RARRES1: variants seen among roughly 807,000 people sequenced by gnomAD.
RARRES1 encodes retinoic acid receptor responder 1.
In RARRES1, 34 loss-of-function variants were observed where a neutral mutation model predicts 30.6. That is an observed-to-expected ratio of 1.11 (90% CI 0.84 to 1.48). The LOEUF (loss-of-function observed/expected upper bound fraction) is 1.48, where lower values mean the gene tolerates loss of function less well. Among genes scored for constraint, RARRES1 ranks in the 40% most tolerant of loss-of-function variants. The pLI is 0.00. For synonymous variants in RARRES1, 153 were observed against 155.5 expected (o/e 0.98, Z 0.12); for missense variants, 373 against 386.5 (o/e 0.97, Z 0.29).
Position 158,708,299 on chromosome 3 carries a change from G to C in RARRES1, c.535+2439C>G, listed in dbSNP as rs1301645589. ...ATCTTATGGTGCTGCTGTGAGTTCAGATTTGTGAGATCAAAACCCATCACC... is the reference window on the plus strand; with the variant it reads ...ATCTTATGGTGCTGCTGTGAGTTCACATTTGTGAGATCAAAACCCATCACC... On this transcript the variant is annotated intron_variant, in intron 3 of 5. Coordinates refer to ENST00000237696, the MANE Select transcript of RARRES1 (RefSeq NM_206963.2). Among the ~76,000 whole-genome samples the C allele has an allele frequency of 2.0e-5, 3 of 152,186 alleles. No homozygotes were observed. The East Asian group carries it at 5.8e-4, about 29-fold the overall frequency.
intron 3 of RARRES1, 81 bp downstream of exon 3, chr3:158,710,657 A>C: frequency 7.3e-7 from 1 of 1,374,708 alleles, no homozygotes; most frequent in Non-Finnish European, 9.9e-7. Flanking sequence ...TTTAGGGATA[A>C]AAACTTAAAT....
At position 158,732,359 on chromosome 3, in the gene RARRES1, G is replaced by A; in HGVS notation, c.57C>T (p.Arg19=). The A allele has an allele frequency of 6.8e-7, 1 of 1,465,436 alleles. No homozygotes were observed. The highest frequency in any genetic ancestry group is 1.3e-5 in the South Asian group (1 of 76,674). 90.8% of individuals were successfully genotyped at this position (1,465,436 alleles called of 1,614,324 possible). A position where few individuals can be genotyped will look rare whatever the true frequency, so the allele number is the denominator to read the frequency against. The part of the protein sequence containing the change: ...PAPWSGPRGP[R]PTAPLLALLL... ...GCAGCGCGAGCAGCGGGGCGGTGGG[G>A]CGCGGGCCCCTGGGCCCGGACCAGG... Residue 19 remains arginine, a synonymous_variant, in exon 1 of 6, where the codon CGC becomes CGT. Coordinates refer to ENST00000237696, the MANE Select transcript of RARRES1 (RefSeq NM_206963.2).
intron 4 of RARRES1, among the ~76,000 whole-genome samples, chr3:158,699,454 G>A (rs1342621898): frequency 2.2e-5 from 3 of 138,592 alleles, no homozygotes; most frequent in Admixed American, 1.4e-4. Flanking sequence ...CACCAAAAAA[G>A]TTTAGACTCC....
chr3:158,732,024 G>C, intron 1 of RARRES1, 116 bp downstream of exon 1: 1 of 1,073,980 alleles, frequency 9.3e-7, no homozygotes, highest in Non-Finnish European at 1.2e-6. Context: ...CGTGCGCACT[G>C]CACCTTCCCT....
chr3:158,727,303 T>C (rs1229079138), intron 1 of RARRES1, among the ~76,000 whole-genome samples: 2 of 152,222 alleles, frequency 1.3e-5, no homozygotes, highest in African/African-American at 4.8e-5. Flanking sequence ...AATTAAGATA[T>C]GGGCATAGCT....
chr3:158,708,495 A>G (rs1726999383), intron 3 of RARRES1, among the ~76,000 whole-genome samples: 2 of 152,210 alleles, frequency 1.3e-5, no homozygotes, highest in South Asian at 4.1e-4. Context: ...ATTGCTAGGA[A>G]GTTTGTAAAT....
At chr3:158,726,314 T>C (rs115699307) in intron 1 of RARRES1, among the ~76,000 whole-genome samples, 1,706 of 152,364 alleles carry the variant, frequency 0.011, 48 homozygotes, top group African/African-American at 0.039. Context: ...ATGTGCTTTA[T>C]AGATTGAGAA....
intron 1 of RARRES1, among the ~76,000 whole-genome samples, chr3:158,722,162 A>ATT (rs1727539070): frequency 6.6e-6 from 1 of 151,644 alleles, no homozygotes; most frequent in Non-Finnish European, 1.5e-5. Flanking sequence ...TTTTTAAAGA[A>ATT]AATTCCCTCC....
intron 1 of RARRES1, among the ~76,000 whole-genome samples, chr3:158,731,661 C>T (rs1420661082): frequency 6.6e-6 from 1 of 152,226 alleles, no homozygotes; most frequent in East Asian, 1.9e-4. Context: ...TAACAAGAGA[C>T]AGTCGTCCGC....
At chr3:158,731,624 C>T (rs1021016907) in intron 1 of RARRES1, among the ~76,000 whole-genome samples, 3 of 152,210 alleles carry the variant, frequency 2.0e-5, no homozygotes, top group Non-Finnish European at 4.4e-5. Context: ...CACATTACCC[C>T]GAAGCCCTAG....
chr3:158,717,422 G>T (rs1192728941), intron 1 of RARRES1, among the ~76,000 whole-genome samples: 1 of 152,238 alleles, frequency 6.6e-6, no homozygotes, highest in East Asian at 1.9e-4. Flanking sequence ...AGGGATCAGG[G>T]AAGCGACATT....
In RARRES1 at chr3:158,732,234, TGCTGCAGGAGCCTGCGCGGGACCCCA is replaced by T; in HGVS notation, c.156_181del (p.Val54GlyfsTer32). 7.2e-7 allele frequency: 1 copy of T among 1,398,148 alleles called. No individual in the cohort carries two copies. Among genetic ancestry groups the T allele is most frequent in the Non-Finnish European group, 9.2e-7 (1 of 1,083,752 alleles). The allele number at this position is 1,398,148 out of a possible 1,614,324, so 86.6% of individuals were successfully genotyped here. On this transcript the variant is annotated frameshift_variant, in exon 1 of 6. Transcript: ENST00000237696. LOFTEE classifies it high-confidence loss of function. ...GAAGTGAAGCGCCGCGCGCGCCGCC[TGCTGCAGGAGCCTGCGCGGGACCCCA>T]GCATCCTGAGGCTGCCCAGGGTCGT...
At chr3:158,705,957 A>G (rs749871112) in intron 3 of RARRES1, among the ~76,000 whole-genome samples, 16 of 152,202 alleles carry the variant, frequency 1.1e-4, no homozygotes, top group Non-Finnish European at 1.5e-4. Context: ...TAGGAGCTCA[A>G]ATTTTATGAG....
chr3:158,697,964 T>C lies in RARRES1; in HGVS notation c.679A>G (p.Asn227Asp). The C allele has an allele frequency of 6.6e-7, 1 of 1,518,950 alleles. No individual in the cohort carries two copies. Among genetic ancestry groups the C allele is most frequent in the Non-Finnish European group, 9.1e-7 (1 of 1,097,960 alleles). 94.1% of individuals were successfully genotyped at this position (1,518,950 alleles called of 1,614,324 possible). A position where few individuals can be genotyped will look rare whatever the true frequency, so the allele number is the denominator to read the frequency against. ...TAATCAAAATCAATTGTATCATCATTAGTTTTCTAGAGGGAGAAAAAAGAG... is the reference window on the plus strand; with the variant it reads ...TAATCAAAATCAATTGTATCATCATCAGTTTTCTAGAGGGAGAAAAAAGAG... ...QLTSVRQWKT[N>D]DDTIDFDYTV... The change falls in exon 5 of 6, where the codon AAT (asparagine) becomes GAT (aspartate). Residue 227 changes from asparagine to aspartate, a missense_variant. Physicochemically the swap from Asn to Asp is conservative, Grantham distance 23. Coordinates refer to ENST00000237696, the MANE Select transcript of RARRES1 (RefSeq NM_206963.2).
chr3:158,732,200 G>C lies in RARRES1; in HGVS notation c.216C>G (p.Phe72Leu), dbSNP rs1248848695. ...GTAGCGCGCTGGGCGAGCCGGACCG[G>C]AAGTTGAAGAAGTGAAGCGCCGCGC... Reference protein sequence around the residue: ...AARAALHFFNFRSGSPSALRV... With the variant: ...AARAALHFFNLRSGSPSALRV... Residue 72 changes from phenylalanine (F) to leucine (L), a missense_variant, in exon 1 of 6, where the codon TTC (phenylalanine) becomes TTG (leucine). Coordinates refer to ENST00000237696, the MANE Select transcript of RARRES1 (RefSeq NM_206963.2). The C allele has an allele frequency of 2.8e-6, 4 of 1,421,186 alleles. No homozygotes were observed. The African/African-American group carries it at 4.5e-5, about 16-fold the overall frequency. 88.0% of individuals were successfully genotyped at this position (1,421,186 alleles called of 1,614,324 possible).
At chr3:158,732,079 A>T in intron 1 of RARRES1, 61 bp downstream of exon 1, 1 of 1,270,662 alleles carries the variant, frequency 7.9e-7, no homozygotes, top group Non-Finnish European at 9.9e-7. Flanking sequence ...CCCAGGTGTC[A>T]CCTCCCAGCG....
rs1446939209 is a variant in RARRES1, at chr3:158,723,572, C to T, written c.276+8568G>A. Among the ~76,000 whole-genome samples, 1 of 152,230 alleles carries T rather than the reference C, an allele frequency of 6.6e-6. No homozygotes were observed. Reference sequence around the variant, plus strand: ...CCCAGGCAGTGGGGCCCAAGGAGCTCTTTGCGTGCGAATGCTTTGCTTTCT... The same window carrying T: ...CCCAGGCAGTGGGGCCCAAGGAGCTTTTTGCGTGCGAATGCTTTGCTTTCT... On this transcript the variant is annotated intron_variant, in intron 1 of 5. Coordinates refer to ENST00000237696, the MANE Select transcript of RARRES1 (RefSeq NM_206963.2). This position sits in a 1 kb window ranked among gnomAD's most constrained non-coding sequence, Gnocchi z 4.4.
chr3:158,704,334 C>T (rs1186245573), intron 4 of RARRES1, among the ~76,000 whole-genome samples: 1 of 145,570 alleles, frequency 6.9e-6, no homozygotes, highest in Non-Finnish European at 1.5e-5. Flanking sequence ...CTGGATCAAG[C>T]AATCCTCCCA....
intron 1 of RARRES1, among the ~76,000 whole-genome samples, chr3:158,722,368 C>T (rs1296655568): frequency 6.6e-6 from 1 of 152,182 alleles, no homozygotes; most frequent in African/African-American, 2.4e-5. Context: ...GGTGTCTGCA[C>T]TATCTTTACA....
Sources: gnomAD v4.1 joint callset for allele counts (sites outside exome capture counted in the v4.1 genomes callset) on GRCh38, gnomAD v4.1.1 for gene constraint, Gnocchi (gnomAD v3.1) non-coding constraint, MANE v1.5 for transcripts, NCBI Gene and HGNC (gene_info 2026-07-23, HGNC 2026-07-21) for gene names.